The following AKIP1 variants were observed in gnomAD, a reference collection of about 807,000 sequenced individuals.
The protein encoded by AKIP1 is A-kinase-interacting protein 1.
Under a neutral mutation model 22.3 loss-of-function variants are expected in AKIP1, and 18 were observed. That is an observed-to-expected ratio of 0.81 (90% CI 0.56 to 1.19). The LOEUF is 1.19. Ranked by LOEUF, AKIP1 falls within the 50% of genes most tolerant of loss-of-function variation. The pLI is 0.00. For missense variants in AKIP1, 287 were observed against 264.6 expected (o/e 1.08, Z -0.59); for synonymous variants, 120 against 102.7 (o/e 1.17, Z -1.02).
chr11:8,916,497 C>T (rs74543349), intron 4 of AKIP1, among the ~76,000 whole-genome samples: 3,120 of 152,302 alleles, frequency 0.02, 45 homozygotes, highest in Middle Eastern at 0.034. Flanking sequence ...ACCTACCCTA[C>T]TTGTACTCAA....
chr11:8,919,786 G>A lies in AKIP1; in HGVS notation c.*306G>A, dbSNP rs573517162. The A allele has an allele frequency of 5.4e-5, 12 of 223,188 alleles. No individual in the cohort carries two copies. The highest frequency in any genetic ancestry group is 4.3e-4 in the South Asian group (5 of 11,602). 13.8% of individuals were successfully genotyped at this position (223,188 alleles called of 1,614,324 possible). ...CGAGTAGCTGGCACTACAGGCACCCGCCACCATGCCCGGCTATTTTTTTTG... is the reference window on the plus strand; with the variant it reads ...CGAGTAGCTGGCACTACAGGCACCCACCACCATGCCCGGCTATTTTTTTTG... On this transcript the variant is annotated 3_prime_UTR_variant, in exon 6 of 6. Coordinates refer to ENST00000309377, the MANE Select transcript of AKIP1 (RefSeq NM_020642.4).
At chr11:8,917,617 G>C (rs140494701) in intron 5 of AKIP1, 313 of 529,876 alleles carry the variant, frequency 5.9e-4, no homozygotes, top group African/African-American at 5.1e-3. Flanking sequence ...GAAAGAATGT[G>C]AAGTATTCAC....
intron 3 of AKIP1, among the ~76,000 whole-genome samples, chr11:8,914,548 C>CAG (rs2064448377): frequency 6.6e-6 from 1 of 152,218 alleles, no homozygotes; most frequent in Non-Finnish European, 1.5e-5. Context: ...TTTAACCTGG[C>CAG]AGAGAGCATG....
At chr11:8,914,160 A>T (rs2134803016) in intron 3 of AKIP1, among the ~76,000 whole-genome samples, 1 of 152,306 alleles carries the variant, frequency 6.6e-6, no homozygotes, top group Admixed American at 6.5e-5. Flanking sequence ...CAGTGTGCCT[A>T]CCCTGTTCAA....
At chr11:8,912,804 TGG>T (rs922050614) in intron 3 of AKIP1, among the ~76,000 whole-genome samples, 1 of 150,746 alleles carries the variant, frequency 6.6e-6, no homozygotes, top group Non-Finnish European at 1.5e-5. Flanking sequence ...TTCAGTCTAG[TGG>T]GGGGAAAATA....
At chr11:8,917,166 T>G (rs964692628) in intron 4 of AKIP1, 121 bp from the exon 5 acceptor site, 2 of 619,660 alleles carry the variant, frequency 3.2e-6, no homozygotes, top group Non-Finnish European at 5.5e-6. Flanking sequence ...ATGACTTAGA[T>G]GACAACTTAG....
intron 2 of AKIP1, 85 bp from the exon 3 acceptor site, chr11:8,912,368 T>G: frequency 9.1e-7 from 1 of 1,097,608 alleles, no homozygotes; most frequent in South Asian, 1.3e-5. Context: ...TTTCCAAAAG[T>G]AAAAAGGAGA....
intron 3 of AKIP1, among the ~76,000 whole-genome samples, chr11:8,913,854 T>G (rs1208673858): frequency 6.6e-6 from 1 of 152,244 alleles, no homozygotes; most frequent in African/African-American, 2.4e-5. Context: ...TAGCCTCAAC[T>G]CTACTGTAAA....
intron 2 of AKIP1, among the ~76,000 whole-genome samples, chr11:8,912,170 C>T (rs1369886480): frequency 7.0e-6 from 1 of 142,564 alleles, no homozygotes; most frequent in African/African-American, 2.7e-5. Context: ...GCACTCCAGC[C>T]TGGGCAACAA....
intron 1 of AKIP1, 48 bp downstream of exon 1, chr11:8,911,271 G>A: frequency 3.3e-6 from 2 of 606,998 alleles, no homozygotes; most frequent in Non-Finnish European, 5.8e-6. Context: ...AAATGGAAGG[G>A]GCGGGCGCGC....
intron 2 of AKIP1, 106 bp downstream of exon 2, chr11:8,911,777 C>T: frequency 1.8e-6 from 2 of 1,141,038 alleles, no homozygotes; most frequent in Non-Finnish European, 1.2e-6. Context: ...CTTCCCTTAG[C>T]GGAAGCTGGA....
intron 4 of AKIP1, among the ~76,000 whole-genome samples, chr11:8,916,205 C>G (rs2064483695): frequency 6.6e-6 from 1 of 152,074 alleles, no homozygotes; most frequent in Admixed American, 6.5e-5. Flanking sequence ...ATCTGCCTGC[C>G]TCAGCCTCCC....
intron 3 of AKIP1, 81 bp downstream of exon 3, chr11:8,912,614 C>T: frequency 8.0e-7 from 1 of 1,255,462 alleles, no homozygotes; most frequent in South Asian, 1.2e-5. Context: ...TACGGAGAAT[C>T]TGGACACTAC....
intron 2 of AKIP1, 115 bp downstream of exon 2, chr11:8,911,786 G>T: frequency 1.9e-6 from 2 of 1,036,538 alleles, no homozygotes; most frequent in South Asian, 1.7e-5. Flanking sequence ...GCGGAAGCTG[G>T]AAAGGATCAG....
At chr11:8,918,651 T>TGCA (rs1459315292) in intron 5 of AKIP1, among the ~76,000 whole-genome samples, 1 of 152,210 alleles carries the variant, frequency 6.6e-6, no homozygotes, top group African/African-American at 2.4e-5. Flanking sequence ...ATCCTCTGCC[T>TGCA]GCACACCTGA....
Position 8,911,487 on chromosome 11 carries a change from T to C in AKIP1, c.38T>C (p.Val13Ala). 6.2e-7 allele frequency: 1 copy of C among 1,605,652 alleles called. No individual in the cohort carries two copies. Reference sequence around the variant, plus strand: ...TTGGCGGCCGCAGCGCTGAATGGGGTGGACCGACGTTCCCTGCAGCGTTCA... The same window carrying C: ...TTGGCGGCCGCAGCGCTGAATGGGGCGGACCGACGTTCCCTGCAGCGTTCA... ...NCLAAAALNG[V>A]DRRSLQRSAR... The change falls in exon 2 of 6, where the codon GTG (valine) becomes GCG (alanine). Residue 13 changes from valine to alanine, a missense_variant. Val to Ala is a moderately conservative substitution (Grantham distance 64). Coordinates refer to ENST00000309377, the MANE Select transcript of AKIP1 (RefSeq NM_020642.4).
intron 3 of AKIP1, 97 bp from the exon 4 acceptor site, chr11:8,914,729 C>A (rs1183924077): frequency 2.4e-6 from 2 of 850,980 alleles, no homozygotes; most frequent in Non-Finnish European, 3.8e-6. Context: ...TGCTCTCTTG[C>A]CTCCCTCCTT....
chr11:8,913,759 C>T (rs1217104419), intron 3 of AKIP1, among the ~76,000 whole-genome samples: 4 of 152,116 alleles, frequency 2.6e-5, no homozygotes, highest in Admixed American at 1.3e-4. Context: ...TCCCTGACTC[C>T]AAGAATAGGA....
intron 1 of AKIP1, 75 bp downstream of exon 1, chr11:8,911,298 TG>T: frequency 2.9e-6 from 2 of 697,216 alleles, no homozygotes; most frequent in Non-Finnish European, 4.7e-6. Flanking sequence ...TAGTCCTGGC[TG>T]GGCTCCCGCT....
Sources: gnomAD v4.1 joint callset for allele counts (sites outside exome capture counted in the v4.1 genomes callset) on GRCh38, gnomAD v4.1.1 for gene constraint, MANE v1.5 for transcripts, NCBI Gene and HGNC (gene_info 2026-07-23, HGNC 2026-07-21) for gene names.